Variants in CD44 observed in about 807,000 individuals in gnomAD.
CD44 encodes CD44 antigen.
Under a neutral mutation model 88.8 loss-of-function variants are expected in CD44, and 49 were observed. The observed-to-expected ratio is 0.55, with a 90% CI of 0.44 to 0.70. The LOEUF (loss-of-function observed/expected upper bound fraction) is 0.70, where lower values mean the gene tolerates loss of function less well. Among genes scored for constraint, CD44 ranks in the 30% least tolerant of loss-of-function variants. CD44 has a pLI of 0.00. For missense variants in CD44, 883 were observed against 913.8 expected (o/e 0.97, Z 0.43); for synonymous variants, 325 against 312.3 (o/e 1.04, Z -0.43).
chr11:35,176,039 ATTTT>A (rs201610565), intron 1 of CD44, among the ~76,000 whole-genome samples: 4 of 102,210 alleles, frequency 3.9e-5, no homozygotes, highest in African/African-American at 1.1e-4. Context: ...TAATTTTTGT[ATTTT>A]TTTTTTTTTT....
chr11:35,179,998 A>G (rs1401453107), intron 2 of CD44, among the ~76,000 whole-genome samples: 2 of 152,126 alleles, frequency 1.3e-5, no homozygotes, highest in African/African-American at 4.8e-5. Context: ...CTGAACACAA[A>G]TTTTAACTGA....
At chr11:35,222,430 G>C (rs1449261192) in intron 17 of CD44, 2 of 1,294,220 alleles carry the variant, frequency 1.5e-6, no homozygotes, top group East Asian at 1.1e-4. Flanking sequence ...TCTTCTTGCT[G>C]TTAGGAGGTC....
chr11:35,186,695 C>A, intron 3 of CD44, 137 bp from the exon 4 acceptor site: 6 of 578,270 alleles, frequency 1.0e-5, no homozygotes, highest in East Asian at 2.9e-5. Flanking sequence ...AATTCCTAGC[C>A]AACTTAGGAG....
At chr11:35,192,031 A>C (rs1363427668) in intron 5 of CD44, among the ~76,000 whole-genome samples, 5 of 152,220 alleles carry the variant, frequency 3.3e-5, no homozygotes, top group Admixed American at 3.3e-4. Flanking sequence ...ACTTACCTTC[A>C]TGGAGACTAC....
intron 1 of CD44, among the ~76,000 whole-genome samples, chr11:35,155,221 C>A (rs1006738579): frequency 1.3e-5 from 2 of 152,168 alleles, no homozygotes; most frequent in Admixed American, 6.5e-5. Context: ...CAATCATGAT[C>A]CACCCACTGG....
chr11:35,149,974 G>T (rs1327336482), intron 1 of CD44, among the ~76,000 whole-genome samples: 1 of 152,234 alleles, frequency 6.6e-6, no homozygotes, highest in African/African-American at 2.4e-5. Flanking sequence ...GGCCAGAGAA[G>T]TTAGGAACAT....
rs1947279107 is a variant in CD44 at position 35,201,164 on chromosome 11, A to C, written c.1005A>C (p.Glu335Asp). Residue 335 changes from glutamate to aspartate, a missense_variant, in exon 8 of 18, where the codon GAA becomes GAC. By Grantham distance (45) the Glu-to-Asp change is conservative (BLOSUM62 2). Transcript: ENST00000428726. ...GGAACCCAAGCCATTCAAATCCGGA[A>C]GTGCTACTTCAGACAACCACAAGGA... The part of the protein sequence containing the change: ...TQWNPSHSNP[E>D]VLLQTTTRMT... 15 of 1,613,786 alleles carry C rather than the reference A, an allele frequency of 9.3e-6. No individual in the cohort carries two copies. The highest frequency in any genetic ancestry group is 1.3e-5 in the Non-Finnish European group (15 of 1,179,762).
At chr11:35,214,265 C>A (rs998229830) in intron 14 of CD44, among the ~76,000 whole-genome samples, 3 of 152,152 alleles carry the variant, frequency 2.0e-5, no homozygotes, top group Non-Finnish European at 2.9e-5. Context: ...TAGCTATCAT[C>A]TCACCATTTC....
At chr11:35,180,429 T>C in intron 3 of CD44, 22 bp downstream of exon 3, 1 of 1,613,850 alleles carries the variant, frequency 6.2e-7, no homozygotes. Context: ...GGGGGGTGTC[T>C]GTTGGCGTGA....
intron 4 of CD44, among the ~76,000 whole-genome samples, chr11:35,188,014 A>T (rs1237514950): frequency 6.6e-6 from 1 of 152,172 alleles, no homozygotes; most frequent in Admixed American, 6.5e-5. Context: ...CTATTCCAGC[A>T]CTTTAGAAAT....
chr11:35,183,647 C>T (rs569450733), intron 3 of CD44, among the ~76,000 whole-genome samples: 8 of 152,094 alleles, frequency 5.3e-5, no homozygotes, highest in Non-Finnish European at 1.0e-4. Flanking sequence ...GAAAACATGG[C>T]CTGTGGCTAA....
chr11:35,150,538 T>C (rs1438528368), intron 1 of CD44, among the ~76,000 whole-genome samples: 1 of 152,234 alleles, frequency 6.6e-6, no homozygotes, highest in Non-Finnish European at 1.5e-5. Context: ...AATATAAGGC[T>C]AGTTTTTGGC....
At chr11:35,139,570 G>T (rs1564984094) in intron 1 of CD44, 200 bp downstream of exon 1, 2 of 766,862 alleles carry the variant, frequency 2.6e-6, no homozygotes, top group Non-Finnish European at 4.8e-6. Flanking sequence ...CCATTTGGTT[G>T]AAAGAAAAAG....
chr11:35,145,480 C>T (rs904754672), intron 1 of CD44, among the ~76,000 whole-genome samples: 4 of 152,068 alleles, frequency 2.6e-5, no homozygotes, highest in African/African-American at 7.2e-5. Context: ...TGAGCTCACC[C>T]ATCTGTTTGT....
At chr11:35,210,123 GT>G (rs1208270879) in intron 13 of CD44, 69 bp downstream of exon 13, 1 of 843,702 alleles carries the variant, frequency 1.2e-6, no homozygotes, top group Non-Finnish European at 1.8e-6. Context: ...TACTTTTGCA[GT>G]GTCTTTGGTG....
In CD44 at chr11:35,161,899, A is replaced by T. The variant is rs544976554; in HGVS notation, c.68-14676A>T. Reference sequence around the variant, plus strand: ...CTACAAAAAGCCCCATAAATAAGTAAAATGTGTCCATGAGTTCATAAAAGA... The same window carrying T: ...CTACAAAAAGCCCCATAAATAAGTATAATGTGTCCATGAGTTCATAAAAGA... On this transcript the variant is annotated intron_variant, in intron 1 of 17. Transcript: ENST00000428726. Among the ~76,000 whole-genome samples the T allele has an allele frequency of 2.3e-4, 35 of 152,264 alleles. 1 individual carries two copies. The South Asian group carries it at 7.3e-3, about 32-fold the overall frequency.
intron 5 of CD44, among the ~76,000 whole-genome samples, chr11:35,191,081 C>T (rs757404369): frequency 2.6e-5 from 4 of 152,252 alleles, no homozygotes; most frequent in East Asian, 1.9e-4. Context: ...GCCTCTGGAG[C>T]GGTTTTCCTA....
intron 3 of CD44, among the ~76,000 whole-genome samples, chr11:35,181,966 TA>T (rs1565081441): frequency 5.2e-4 from 42 of 80,770 alleles, no homozygotes; most frequent in Admixed American, 1.8e-3. Context: ...ATTTTATATA[TA>T]TAAATATTAT....
chr11:35,213,698 G>GTGGAGATGGTGATGGTGA (rs200804080), intron 14 of CD44: 104 of 152,302 alleles, frequency 6.8e-4, no homozygotes, highest in African/African-American at 2.4e-3. Flanking sequence ...AGTGGTGGTG[G>GTGGAGATGGTGATGGTGA]TGGTGATGGT....
Sources: gnomAD v4.1 joint callset for allele counts (sites outside exome capture counted in the v4.1 genomes callset) on GRCh38, gnomAD v4.1.1 for gene constraint, MANE v1.5 for transcripts, NCBI Gene and HGNC (gene_info 2026-07-23, HGNC 2026-07-21) for gene names.